PIBF1: variants seen among roughly 807,000 people sequenced by gnomAD.
The protein encoded by PIBF1 is progesterone-induced-blocking factor 1.
Under a neutral mutation model 112.5 loss-of-function variants are expected in PIBF1, and 90 were observed. That is an observed-to-expected ratio of 0.80 (90% CI 0.67 to 0.95). PIBF1 has a LOEUF of 0.95. Ranked by LOEUF, PIBF1 falls within the 40% of genes least tolerant of loss-of-function variation. The pLI is 0.00. For missense variants in PIBF1, 915 were observed against 852.3 expected, an observed-to-expected ratio of 1.07 and a Z score of -0.92; for synonymous variants, 301 against 288.6, an observed-to-expected ratio of 1.04 and a Z score of -0.44.
At chr13:73,008,389 C>T (rs1237690423) in intron 17 of PIBF1, among the ~76,000 whole-genome samples, 1 of 152,130 alleles carries the variant, frequency 6.6e-6, no homozygotes, top group Non-Finnish European at 1.5e-5. Flanking sequence ...TATTGCATTA[C>T]TGTAGTAGAA....
chr13:72,890,197 T>C (rs1045759910), intron 10 of PIBF1, among the ~76,000 whole-genome samples: 3 of 152,186 alleles, frequency 2.0e-5, no homozygotes, highest in African/African-American at 7.2e-5. Context: ...TTACCAAATA[T>C]GTTTTCCTGT....
intron 15 of PIBF1, among the ~76,000 whole-genome samples, chr13:72,967,693 T>G (rs2042779003): frequency 6.6e-6 from 1 of 152,212 alleles, no homozygotes; most frequent in Admixed American, 6.5e-5. Context: ...TGATCGTTGT[T>G]GAAGCGGGGT....
At chr13:72,883,430 A>G (rs186430474) in intron 10 of PIBF1, among the ~76,000 whole-genome samples, 2 of 152,326 alleles carry the variant, frequency 1.3e-5, no homozygotes, top group Admixed American at 6.5e-5. Flanking sequence ...CATGGTGACT[A>G]TAGTCAGTAA....
At chr13:72,982,416 A>C (rs1214133036) in intron 16 of PIBF1, among the ~76,000 whole-genome samples, 1 of 152,194 alleles carries the variant, frequency 6.6e-6, no homozygotes, top group Non-Finnish European at 1.5e-5. Context: ...AGCCTGGGTA[A>C]CAGAGCTAGA....
At chr13:72,795,656 C>A in intron 4 of PIBF1, 99 bp downstream of exon 4, 1 of 734,738 alleles carries the variant, frequency 1.4e-6, no homozygotes, top group Non-Finnish European at 2.3e-6. Flanking sequence ...CCAATTGATA[C>A]ATTATTTTAT....
chr13:73,015,915 C>A lies in PIBF1; in HGVS notation c.2270C>A (p.Thr757Asn). 6.3e-7 allele frequency: 1 copy of A among 1,584,050 alleles called. No homozygotes were observed. Among genetic ancestry groups the A allele is most frequent in the Non-Finnish European group, 8.6e-7 (1 of 1,163,240 alleles). The change falls in exon 18 of 18, where the codon ACC becomes AAC. Residue 757 changes from threonine to asparagine, a missense_variant. Coordinates refer to ENST00000326291, the MANE Select transcript of PIBF1 (RefSeq NM_006346.4). ...TGGTCTAAGAAACAAAAGATGAAGA[C>A]CTAGTGTTTTGGATGGGAAGCACCT... is the stretch of plus-strand genomic sequence containing the variant. Reference protein sequence around the residue: ...PEWSKKQKMKT With the variant: ...PEWSKKQKMKN
chr13:72,922,074 G>A (rs944416014), intron 13 of PIBF1, among the ~76,000 whole-genome samples: 3 of 152,004 alleles, frequency 2.0e-5, no homozygotes, highest in Non-Finnish European at 4.4e-5. Flanking sequence ...CAAACTCCTG[G>A]GCTGAAGTGA....
chr13:72,884,754 A>G (rs1261786522), intron 10 of PIBF1: 1 of 152,160 alleles, frequency 6.6e-6, no homozygotes, highest in Non-Finnish European at 1.5e-5. Flanking sequence ...ATAACATAAT[A>G]TGTGTTTACT....
At position 72,998,692 on chromosome 13, in the gene PIBF1, A is replaced by G. The variant is rs1302624410; in HGVS notation, c.2050-130A>G. 6 of 614,394 alleles carry G rather than the reference A, an allele frequency of 9.8e-6. No homozygotes were observed. The East Asian group carries it at 1.2e-4, about 12-fold the overall frequency. 38.1% of individuals were successfully genotyped at this position (614,394 alleles called of 1,614,324 possible). ...ATTCATGTGCATGATTCTAATTACT[A>G]TTTTATTTTCACAACTTATGTGTGT... On this transcript the variant is annotated intron_variant, in intron 16 of 17. Transcript: ENST00000326291.
At chr13:72,966,555 A>G (rs1594285498) in intron 15 of PIBF1, among the ~76,000 whole-genome samples, 2 of 152,332 alleles carry the variant, frequency 1.3e-5, no homozygotes, top group East Asian at 3.9e-4. Context: ...TCTTAGGGAA[A>G]TTGAAGAAAG....
At chr13:72,799,569 A>T (rs1189055848) in intron 5 of PIBF1, among the ~76,000 whole-genome samples, 2 of 150,824 alleles carry the variant, frequency 1.3e-5, no homozygotes, top group African/African-American at 2.4e-5. Context: ...TAGTTCAATT[A>T]AAAAAAAAAT....
At chr13:72,943,902 A>G (rs373500553) in intron 14 of PIBF1, among the ~76,000 whole-genome samples, 7 of 152,186 alleles carry the variant, frequency 4.6e-5, no homozygotes, top group African/African-American at 1.4e-4. Context: ...AAGTGGAAAT[A>G]ATAATACTAT....
intron 10 of PIBF1, among the ~76,000 whole-genome samples, chr13:72,873,946 C>T (rs2039284562): frequency 6.6e-6 from 1 of 152,104 alleles, no homozygotes. Context: ...TTTGAACAGC[C>T]ACTTCATGAA....
At chr13:73,013,746 A>G (rs966134707) in intron 17 of PIBF1, among the ~76,000 whole-genome samples, 7 of 145,068 alleles carry the variant, frequency 4.8e-5, no homozygotes, top group East Asian at 1.9e-4. Context: ...AAAAAAAAAA[A>G]AAAAAAAGAA....
chr13:72,815,242 A>C (rs2036210310), intron 5 of PIBF1, among the ~76,000 whole-genome samples: 1 of 152,258 alleles, frequency 6.6e-6, no homozygotes, highest in South Asian at 2.1e-4. Context: ...CTTTATGATT[A>C]AACAGAGTAT....
intron 16 of PIBF1, among the ~76,000 whole-genome samples, chr13:72,978,506 A>G (rs2043079163): frequency 6.6e-6 from 1 of 152,216 alleles, no homozygotes; most frequent in Non-Finnish European, 1.5e-5. Context: ...TTCCAGGAAA[A>G]TTTTTGCCTC....
At chr13:72,852,916 G>A (rs2038231591) in intron 9 of PIBF1, among the ~76,000 whole-genome samples, 1 of 152,158 alleles carries the variant, frequency 6.6e-6, no homozygotes, top group Admixed American at 6.5e-5. Context: ...GTGACTTGAG[G>A]CTAGGTATAT....
rs377320069 is a variant in PIBF1, at chr13:72,998,998, A to G, written c.2223+3A>G. 1.0e-5 allele frequency: 16 copies of G among 1,541,422 alleles called. No individual in the cohort carries two copies. The Admixed American group carries it at 2.7e-4, about 26-fold the overall frequency. On this transcript the variant is annotated splice_donor_region_variant and intron_variant, in intron 17 of 17. Transcript: ENST00000326291. The stretch of plus-strand genomic sequence containing the variant: ...TTACACCTAAACCAACACTCTTTGT[A>G]AGTACAATTTTTAAAACTCATAATT...
At chr13:72,867,021 TC>T (rs2038957192) in intron 10 of PIBF1, among the ~76,000 whole-genome samples, 1 of 152,218 alleles carries the variant, frequency 6.6e-6, no homozygotes, top group African/African-American at 2.4e-5. Flanking sequence ...AGTCTGTGCT[TC>T]ATACAGTTAT....
Sources: allele counts gnomAD v4.1 joint callset (sites outside exome capture counted in the v4.1 genomes callset), GRCh38; gene constraint gnomAD v4.1.1; transcripts MANE v1.5; gene names NCBI Gene and HGNC (gene_info 2026-07-23, HGNC 2026-07-21).